PITPNC1: variants seen among roughly 807,000 people sequenced by gnomAD.
PITPNC1 encodes the protein phosphatidylinositol transfer protein cytoplasmic 1.
PITPNC1 carries 18 observed loss-of-function variants against 44.7 expected under a neutral mutation model. That is an observed-to-expected ratio of 0.40 (90% confidence interval 0.28 to 0.60). The LOEUF (loss-of-function observed/expected upper bound fraction) is 0.60. Among genes scored for constraint, PITPNC1 ranks in the 20% least tolerant of loss-of-function variants. The pLI, the probability that PITPNC1 is intolerant of heterozygous loss-of-function variation, is 0.39. For synonymous variants in PITPNC1, 141 were observed against 149.6 expected, an observed-to-expected ratio of 0.94 and a Z score of 0.42; for missense variants, 290 against 418.4, an observed-to-expected ratio of 0.69 and a Z score of 2.68.
intron 1 of PITPNC1, among the ~76,000 whole-genome samples, chr17:67,416,100 G>A (rs925116651): frequency 2.0e-5 from 3 of 151,446 alleles, no homozygotes; most frequent in Non-Finnish European, 2.9e-5. Context: ...GGAGTCTTAC[G>A]GACCCAGGTA....
At chr17:67,472,666 A>AG (rs1021180037) in intron 1 of PITPNC1, among the ~76,000 whole-genome samples, 2 of 149,218 alleles carry the variant, frequency 1.3e-5, no homozygotes, top group African/African-American at 5.0e-5. Context: ...AAAAAAAAAA[A>AG]GGTCTGTGCA....
intron 1 of PITPNC1, chr17:67,459,758 C>T (rs1269894923): frequency 6.6e-6 from 1 of 152,114 alleles, no homozygotes; most frequent in South Asian, 2.1e-4. Context: ...TACCCGTTAT[C>T]AGAAAAGCGA....
intron 1 of PITPNC1, among the ~76,000 whole-genome samples, chr17:67,431,215 C>T (rs2038852531): frequency 2.6e-5 from 4 of 151,910 alleles, no homozygotes; most frequent in African/African-American, 7.3e-5. Flanking sequence ...CCCACCACCA[C>T]ACCCAGCTAA....
intron 1 of PITPNC1, among the ~76,000 whole-genome samples, chr17:67,455,134 A>C (rs1165507429): frequency 1.3e-5 from 2 of 152,030 alleles, no homozygotes; most frequent in Non-Finnish European, 2.9e-5. Context: ...ACATATTTCA[A>C]AGTAAAACCC....
chr17:67,672,615 A>G (rs1197003090), intron 7 of PITPNC1, among the ~76,000 whole-genome samples: 11 of 151,496 alleles, frequency 7.3e-5, no homozygotes, highest in Non-Finnish European at 7.4e-5. Flanking sequence ...AATAATAATA[A>G]TAATAATAAT....
chr17:67,680,828 G>A (rs529135945), intron 8 of PITPNC1, among the ~76,000 whole-genome samples: 1 of 152,200 alleles, frequency 6.6e-6, no homozygotes, highest in East Asian at 1.9e-4. Context: ...TGGAGCCAAA[G>A]AAGTATCCAT....
In PITPNC1 at chr17:67,428,839, CT is replaced by C. The variant is rs369624053; in HGVS notation, c.48+50656del. 4.3e-3 allele frequency among the ~76,000 whole-genome samples: 483 copies of C among 113,164 alleles called. 2 individuals carry two copies. Among genetic ancestry groups the C allele is most frequent in the African/African-American group, 0.014 (424 of 30,272 alleles). The allele number at this position is 113,164 out of a possible 152,430, so 74.2% of individuals were successfully genotyped here. On this transcript the variant is annotated intron_variant, in intron 1 of 8. Transcript: ENST00000581322. ...TAACCATTTTTTTCTACTTGTCTTG[CT>C]TTTTTTTTTTTTTTTTTTGAGACGG...
At chr17:67,476,177 T>G (rs1011742686) in intron 1 of PITPNC1, among the ~76,000 whole-genome samples, 6 of 137,056 alleles carry the variant, frequency 4.4e-5, no homozygotes, top group Non-Finnish European at 9.6e-5. Context: ...GAGACTAAAT[T>G]TCTTTCTTTT....
intron 8 of PITPNC1, among the ~76,000 whole-genome samples, chr17:67,684,109 A>G (rs1292370601): frequency 7.6e-6 from 1 of 130,806 alleles, no homozygotes; most frequent in African/African-American, 2.9e-5. Flanking sequence ...ATCCAAAATA[A>G]CAAATTTTTT....
chr17:67,494,697 G>A (rs940113724), intron 1 of PITPNC1, among the ~76,000 whole-genome samples: 1 of 152,142 alleles, frequency 6.6e-6, no homozygotes, highest in African/African-American at 2.4e-5. Context: ...TAGGCTGGGT[G>A]CAGTGGCTCA....
chr17:67,691,581 G>A (rs1388476411), intron 8 of PITPNC1, among the ~76,000 whole-genome samples: 4 of 152,034 alleles, frequency 2.6e-5, no homozygotes, highest in East Asian at 3.8e-4. Context: ...GTTGATTTAC[G>A]TGTTTTTGAA....
At chr17:67,447,977 G>C (rs1038604863) in intron 1 of PITPNC1, among the ~76,000 whole-genome samples, 1 of 149,328 alleles carries the variant, frequency 6.7e-6, no homozygotes. Flanking sequence ...ATGGGGTCTT[G>C]CTCTGTCGCC....
At chr17:67,647,184 C>G (rs1230732813) in intron 6 of PITPNC1, among the ~76,000 whole-genome samples, 1 of 152,156 alleles carries the variant, frequency 6.6e-6, no homozygotes, top group Non-Finnish European at 1.5e-5. Flanking sequence ...GAAGTTTCCT[C>G]TTTACAAACA....
intron 1 of PITPNC1, among the ~76,000 whole-genome samples, chr17:67,395,653 A>G (rs2038208519): frequency 6.6e-6 from 1 of 152,222 alleles, no homozygotes; most frequent in African/African-American, 2.4e-5. Flanking sequence ...TGGCCCTTAC[A>G]TCCCACATGA....
intron 6 of PITPNC1, among the ~76,000 whole-genome samples, chr17:67,664,872 T>G (rs1454513789): frequency 6.9e-6 from 1 of 144,434 alleles, no homozygotes; most frequent in Non-Finnish European, 1.5e-5. Flanking sequence ...GCCACTGTAC[T>G]CCAGCCTGGG....
intron 1 of PITPNC1, among the ~76,000 whole-genome samples, chr17:67,495,058 T>TG (rs1568013536): frequency 2.0e-5 from 2 of 102,126 alleles, no homozygotes; most frequent in Non-Finnish European, 4.2e-5. Flanking sequence ...TTTTGTTTTT[T>TG]TTTTTTTTTT....
chr17:67,413,401 T>TTTTCTTTCTTTC lies in PITPNC1; in HGVS notation c.48+35219_48+35230dup, dbSNP rs151166964. Among the ~76,000 whole-genome samples the TTTTCTTTCTTTC allele has an allele frequency of 2.4e-3, 342 of 145,504 alleles. 2 individuals carry two copies. Among genetic ancestry groups the TTTTCTTTCTTTC allele is most frequent in the African/African-American group, 6.4e-3 (246 of 38,218 alleles). On this transcript the variant is annotated intron_variant, in intron 1 of 8. Transcript: ENST00000581322. ...AAAAAGCACTTTATAATGTGCTTAA[T>TTTTCTTTCTTTC]TTTCTTTCTTTCTTTCTTTCTTTCT...
chr17:67,588,670 A>T lies in PITPNC1; in HGVS notation c.366+10413A>T, dbSNP rs199853680. 7.9e-5 allele frequency among the ~76,000 whole-genome samples: 12 copies of T among 152,338 alleles called. No homozygotes were observed. The East Asian group carries it at 2.3e-3, about 29-fold the overall frequency. On this transcript the variant is annotated intron_variant, in intron 5 of 8. Coordinates refer to ENST00000581322, the MANE Select transcript of PITPNC1 (RefSeq NM_012417.4). ...ACATCCAGTGGGAGTCTCAGAATAT[A>T]TCCCCCTCGGCCAAGGTCGGGGACA...
At chr17:67,576,138 A>G (rs552880015) in intron 4 of PITPNC1, among the ~76,000 whole-genome samples, 1 of 151,860 alleles carries the variant, frequency 6.6e-6, no homozygotes, top group Admixed American at 6.6e-5. Flanking sequence ...TGGTCTCCCA[A>G]AGTGCTGGGA....
Sources: allele counts gnomAD v4.1 joint callset (sites outside exome capture counted in the v4.1 genomes callset), GRCh38; gene constraint gnomAD v4.1.1; transcripts MANE v1.5; gene names NCBI Gene and HGNC (gene_info 2026-07-23, HGNC 2026-07-21).